FLNC: variants seen among roughly 807,000 people sequenced by gnomAD.
FLNC encodes filamin-C.
A neutral mutation model predicts 254.3 loss-of-function variants in FLNC; 91 were observed. The observed-to-expected ratio is 0.36, with a 90% CI of 0.30 to 0.43. The LOEUF (loss-of-function observed/expected upper bound fraction) is 0.43. Ranked by LOEUF, FLNC falls within the 20% of genes least tolerant of loss-of-function variation. The pLI, the probability that FLNC is intolerant of heterozygous loss-of-function variation, is 1.00. For missense variants in FLNC, 2,853 were observed against 3,802.6 expected, an observed-to-expected ratio of 0.75 and a Z score of 6.57; for synonymous variants, 1,430 against 1,577.2, an observed-to-expected ratio of 0.91 and a Z score of 2.21.
At position 128,849,349 on chromosome 7, in the gene FLNC, G is replaced by A. The variant is rs374294752; in HGVS notation, c.4970G>A (p.Arg1657Gln). 5.7e-5 allele frequency: 92 copies of A among 1,613,968 alleles called. No homozygotes were observed. Among genetic ancestry groups the A allele is most frequent in the Non-Finnish European group, 5.7e-5 (67 of 1,180,032 alleles). ...GHGLGACLGP[R>Q]IQIGQETVIT... ...ATGGCAGGTGCCTGCCTGGGCCCTCGAATCCAGATTGGGCAGGAGACGGTG... is the reference window on the plus strand; with the variant it reads ...ATGGCAGGTGCCTGCCTGGGCCCTCAAATCCAGATTGGGCAGGAGACGGTG... Residue 1657 changes from arginine to glutamine, a missense_variant, in exon 30 of 48, where the codon CGA (arginine) becomes CAA (glutamine). Coordinates refer to ENST00000325888, the MANE Select transcript of FLNC (RefSeq NM_001458.5).
rs552018541 is a variant in FLNC at position 128,856,135 on chromosome 7, C to A, written c.7252-383C>A. The stretch of plus-strand genomic sequence containing the variant: ...GGTCCACCTTCTCCAGGAAGCTCTC[C>A]CAGGCCAGGCCAGTGAAACTCAGCT... On this transcript the variant is annotated intron_variant, in intron 43 of 47. Transcript: ENST00000325888. The surrounding 1 kb of genome is among the most constrained non-coding windows in gnomAD (Gnocchi z 5.9). 6.8e-4 allele frequency among the ~76,000 whole-genome samples: 103 copies of A among 152,324 alleles called. 2 individuals carry two copies. Among genetic ancestry groups the A allele is most frequent in the Non-Finnish European group, 3.8e-4 (26 of 68,022 alleles).
In FLNC at chr7:128,849,960, T is replaced by C; in HGVS notation, c.5200-16T>C. On this transcript the variant is annotated splice_polypyrimidine_tract_variant and intron_variant, in intron 30 of 47. Coordinates refer to ENST00000325888, the MANE Select transcript of FLNC (RefSeq NM_001458.5). ...GAGGCTGCCACACCCTGTGCCCCCGTGCCTTGCCTCCCCAGGCGTGTGACC... is the reference window on the plus strand; with the variant it reads ...GAGGCTGCCACACCCTGTGCCCCCGCGCCTTGCCTCCCCAGGCGTGTGACC... 1 of 1,565,566 alleles carries C rather than the reference T, an allele frequency of 6.4e-7. No homozygotes were observed. Among genetic ancestry groups the C allele is most frequent in the African/African-American group, 1.3e-5 (1 of 74,388 alleles).
chr7:128,850,851 A>G lies in FLNC; in HGVS notation c.5447A>G (p.Asp1816Gly), dbSNP rs769733984. 6 of 1,613,496 alleles carry G rather than the reference A, an allele frequency of 3.7e-6. No individual in the cohort carries two copies. Among genetic ancestry groups the G allele is most frequent in the Non-Finnish European group, 5.1e-6 (6 of 1,179,960 alleles). The stretch of plus-strand genomic sequence containing the variant: ...AAGACGGCACGGCCCAACATCACCG[A>G]CAACAAGGACGGCACCATCACGGTG... Reference protein sequence around the residue: ...SGKTARPNITDNKDGTITVRY... With the variant: ...SGKTARPNITGNKDGTITVRY... Residue 1816 changes from aspartate to glycine, a missense_variant, in exon 33 of 48, where the codon GAC becomes GGC. Asp to Gly is a moderately conservative substitution (Grantham distance 94, BLOSUM62 -1). Transcript: ENST00000325888.
chr7:128,851,124 G>A (rs1808791661), intron 33 of FLNC, 108 bp from the exon 34 acceptor site: 2 of 1,574,418 alleles, frequency 1.3e-6, no homozygotes, highest in Non-Finnish European at 1.7e-6. Flanking sequence ...GGTCCCTACG[G>A]CACAGACGGA....
chr7:128,838,553 G>C (rs766697953), intron 7 of FLNC, 50 bp from the exon 8 acceptor site: 2 of 1,609,048 alleles, frequency 1.2e-6, no homozygotes, highest in South Asian at 2.2e-5. Context: ...GAGGGCACCG[G>C]GGCAGCTGTG....
rs1257799349 is a variant in FLNC at position 128,830,621 on chromosome 7, C to T, written c.-17C>T. Reference sequence around the variant, plus strand: ...ACCGCGGCCCTAGCCCCGGCCGCACCCCCAGCCCGCGCCAGCATGATGAAC... The same window carrying T: ...ACCGCGGCCCTAGCCCCGGCCGCACTCCCAGCCCGCGCCAGCATGATGAAC... On this transcript the variant is annotated 5_prime_UTR_variant, in exon 1 of 48. Transcript: ENST00000325888. 2.5e-6 allele frequency: 4 copies of T among 1,610,560 alleles called. No homozygotes were observed. Among genetic ancestry groups the T allele is most frequent in the African/African-American group, 1.3e-5 (1 of 74,862 alleles).
In FLNC at chr7:128,854,098, C is replaced by A. The variant is rs374101315; in HGVS notation, c.6609C>A (p.Arg2203=). 6.2e-7 allele frequency: 1 copy of A among 1,612,920 alleles called. No homozygotes were observed. Among genetic ancestry groups the A allele is most frequent in the African/African-American group, 1.3e-5 (1 of 75,066 alleles). Residue 2203 remains arginine, a synonymous_variant, in exon 40 of 48, where the codon CGC becomes CGA. Transcript: ENST00000325888. ...ISKTRGGETK[R]EVRVEESTQV... is the part of the protein sequence containing the mutation. ...AGACGCGGGGCGGGGAGACAAAGCG[C>A]GAGGTGCGGGTGGAGGAGTCCACCC...
chr7:128,844,079 G>A lies in FLNC; in HGVS notation c.3005G>A (p.Arg1002Gln), dbSNP rs202039743. The A allele has an allele frequency of 3.7e-5, 59 of 1,613,862 alleles. No individual in the cohort carries two copies. The highest frequency in any genetic ancestry group is 4.5e-5 in the East Asian group (2 of 44,888). The change falls in exon 20 of 48, where the codon CGG (arginine) becomes CAG (glutamine). Residue 1002 changes from arginine to glutamine, a missense_variant. Coordinates refer to ENST00000325888, the MANE Select transcript of FLNC (RefSeq NM_001458.5). ...GGCGGTCAGGGCCAACTGGATGTGC[G>A]GATGACTTCGCCCTCTCGCCGGCCC... ...GAGGQGQLDV[R>Q]MTSPSRRPIP...
rs376107866 is a variant in FLNC at position 128,844,141 on chromosome 7, G to A, written c.3067G>A (p.Ala1023Thr). The change falls in exon 20 of 48, where the codon GCC (alanine) becomes ACC (threonine). Residue 1023 changes from alanine to threonine, a missense_variant. Ala to Thr is a moderately conservative substitution (Grantham distance 58, BLOSUM62 0). Around this residue, in one of 10 missense-constraint regions of FLNC, gnomAD observed 1,573 missense variants for 1,883.5 expected, o/e 0.84. Transcript: ENST00000325888. The stretch of plus-strand genomic sequence containing the variant: ...GCTGGAGCCAGGCGGTGGAGCGGAA[G>A]CCCAGGCTGTGCGCTACATGCCCCC... Reference protein sequence around the residue: ...CKLEPGGGAEAQAVRYMPPEE... With the variant: ...CKLEPGGGAETQAVRYMPPEE... 1.2e-6 allele frequency: 2 copies of A among 1,613,960 alleles called. No homozygotes were observed. The highest frequency in any genetic ancestry group is 1.7e-6 in the Non-Finnish European group (2 of 1,180,042).
chr7:128,844,201 G>C lies in FLNC; in HGVS notation c.3127G>C (p.Asp1043His). 1 of 1,613,090 alleles carries C rather than the reference G, an allele frequency of 6.2e-7. No homozygotes were observed. The highest frequency in any genetic ancestry group is 8.5e-7 in the Non-Finnish European group (1 of 1,179,416). ...EGPYKVDITYDGHPVPGSPFA... is the reference protein window; with the variant it reads ...EGPYKVDITYHGHPVPGSPFA... ...GCCCTACAAGGTGGATATCACCTAC[G>C]ATGGTCACCCGGTGCCTGGCAGCCC... is the stretch of plus-strand genomic sequence containing the variant. Residue 1043 changes from aspartate to histidine, a missense_variant, in exon 20 of 48, where the codon GAT (aspartate) becomes CAT (histidine). Physicochemically the swap from Asp to His is moderately conservative, Grantham distance 81. Transcript: ENST00000325888.
chr7:128,844,965 G>A lies in FLNC; in HGVS notation c.3500G>A (p.Arg1167His), dbSNP rs574074583. The A allele has an allele frequency of 1.2e-5, 19 of 1,613,842 alleles. No homozygotes were observed. The highest frequency in any genetic ancestry group is 1.6e-4 in the Middle Eastern group (1 of 6,062). ...KVRASGPGLE[R>H]GKVGEAATFT... is the part of the protein sequence containing the mutation. ...CGGGCCAGTGGACCGGGCCTGGAGC[G>A]CGGCAAGGTCGGTGAGGCAGCCACC... is the stretch of plus-strand genomic sequence containing the variant. Residue 1167 changes from arginine (R) to histidine (H), a missense_variant, in exon 21 of 48, where the codon CGC becomes CAC. Around this residue, in one of 10 missense-constraint regions of FLNC, gnomAD observed 1,573 missense variants for 1,883.5 expected, o/e 0.84. Coordinates refer to ENST00000325888, the MANE Select transcript of FLNC (RefSeq NM_001458.5).
At position 128,848,727 on chromosome 7, in the gene FLNC, T is replaced by C. The variant is rs1808674364; in HGVS notation, c.4737+10T>C. The C allele has an allele frequency of 1.2e-6, 2 of 1,613,794 alleles. No individual in the cohort carries two copies. On this transcript the variant is annotated intron_variant, in intron 27 of 47. Coordinates refer to ENST00000325888, the MANE Select transcript of FLNC (RefSeq NM_001458.5). ...CACTGTCCAGATCTTGGTGAGTCTCTGTGCATCCCACCCCGCAGGTCATGC... is the reference window on the plus strand; with the variant it reads ...CACTGTCCAGATCTTGGTGAGTCTCCGTGCATCCCACCCCGCAGGTCATGC...
chr7:128,848,950 C>T lies in FLNC; in HGVS notation c.4895C>T (p.Pro1632Leu), dbSNP rs971466092. 2 of 1,612,888 alleles carry T rather than the reference C, an allele frequency of 1.2e-6. No homozygotes were observed. Among genetic ancestry groups the T allele is most frequent in the Non-Finnish European group, 8.5e-7 (1 of 1,179,408 alleles). The change falls in exon 28 of 48, where the codon CCC (proline) becomes CTC (leucine). Residue 1632 changes from proline to leucine, a missense_variant. Pro to Leu is a moderately conservative substitution (Grantham distance 98). This residue lies in a region of FLNC where 258 missense variants were observed against 312.3 expected (regional missense o/e 0.83). Transcript: ENST00000325888. Reference protein sequence around the residue: ...PYSPFRIHALPTGDASKCLVT... With the variant: ...PYSPFRIHALLTGDASKCLVT... ...TCGCCCTTCCGCATCCATGCTCTGC[C>T]CACTGGGGATGCCAGCAAGTGCCTC...
At chr7:128,853,893 C>T in intron 39 of FLNC, 56 bp downstream of exon 39, 2 of 1,613,020 alleles carry the variant, frequency 1.2e-6, no homozygotes, top group Non-Finnish European at 1.7e-6. Context: ...CTGGCCCGGG[C>T]CAGAGCCCAC....
At position 128,845,117 on chromosome 7, in the gene FLNC, C is replaced by T. The variant is rs765366490; in HGVS notation, c.3652C>T (p.Pro1218Ser). Residue 1218 changes from proline to serine, a missense_variant, in exon 21 of 48, where the codon CCT becomes TCT. Transcript: ENST00000325888. ...TGGCACCTACCACATCACCTACAGC[C>T]CTGCCTTCCCTGGCACCTACACCAT... Reference protein sequence around the residue: ...ADGTYHITYSPAFPGTYTITI... With the variant: ...ADGTYHITYSSAFPGTYTITI... 2 of 1,613,822 alleles carry T rather than the reference C, an allele frequency of 1.2e-6. No individual in the cohort carries two copies. Among genetic ancestry groups the T allele is most frequent in the Non-Finnish European group, 1.7e-6 (2 of 1,180,052 alleles).
chr7:128,838,152 G>T, intron 6 of FLNC, 88 bp downstream of exon 6: 1 of 1,491,480 alleles, frequency 6.7e-7, no homozygotes, highest in Non-Finnish European at 9.4e-7. Context: ...TGTACCTCGC[G>T]CCTGCCCAGA....
At chr7:128,834,311 GC>G (rs34045649) in intron 1 of FLNC, among the ~76,000 whole-genome samples, 19,956 of 125,012 alleles carry the variant, frequency 0.16, 1,541 homozygotes, top group African/African-American at 0.23. Flanking sequence ...GGATCTAGGC[GC>G]CCCCCCCCCC....
In FLNC at chr7:128,838,389, T is replaced by C. The variant is rs200675882; in HGVS notation, c.1170T>C (p.Asn390=). The part of the protein sequence containing the change: ...ARGPGLEPVG[N]VANKPTYFDI... Reference sequence around the variant, plus strand: ...GCCCTGGCCTGGAACCTGTGGGCAATGTGGCCAACAAACCCACCTACTTTG... The same window carrying C: ...GCCCTGGCCTGGAACCTGTGGGCAACGTGGCCAACAAACCCACCTACTTTG... Residue 390 remains asparagine (N), a synonymous_variant, in exon 7 of 48, where the codon AAT becomes AAC. Transcript: ENST00000325888. 10 of 1,613,810 alleles carry C rather than the reference T, an allele frequency of 6.2e-6. No homozygotes were observed. The highest frequency in any genetic ancestry group is 1.3e-5 in the African/African-American group (1 of 74,904).
rs1032003580 is a variant in FLNC at position 128,846,776 on chromosome 7, A to G, written c.4159A>G (p.Ile1387Val). ...GGGCACCGGGGGCCTTGGCCTAGCC[A>G]TCGAGGGTCCCTCGGAAGCCAAGAT... Reference protein sequence around the residue: ...GAGTGGLGLAIEGPSEAKMSC... With the variant: ...GAGTGGLGLAVEGPSEAKMSC... The change falls in exon 24 of 48, where the codon ATC (isoleucine) becomes GTC (valine). Residue 1387 changes from isoleucine to valine, a missense_variant. By Grantham distance (29) the Ile-to-Val change is conservative (BLOSUM62 3). Around this residue, in one of 10 missense-constraint regions of FLNC, gnomAD observed 1,573 missense variants for 1,883.5 expected, o/e 0.84. Transcript: ENST00000325888. 3.7e-6 allele frequency: 6 copies of G among 1,614,154 alleles called. No individual in the cohort carries two copies. Among genetic ancestry groups the G allele is most frequent in the Non-Finnish European group, 5.1e-6 (6 of 1,180,010 alleles).
Sources: allele counts gnomAD v4.1 joint callset (sites outside exome capture counted in the v4.1 genomes callset), GRCh38; gene constraint gnomAD v4.1.1; regional missense constraint gnomAD v4.1.1; non-coding constraint Gnocchi (gnomAD v3.1); transcripts MANE v1.5; gene names NCBI Gene and HGNC (gene_info 2026-07-23, HGNC 2026-07-21).